The following CR2 variants were observed in gnomAD, a reference collection of about 807,000 sequenced individuals.
CR2 encodes complement C3d receptor 2.
A neutral mutation model predicts 123.0 loss-of-function variants in CR2; 96 were observed. The observed-to-expected ratio is 0.78, with a 90% CI of 0.66 to 0.93. The LOEUF is 0.93. Among genes scored for constraint, CR2 ranks in the 40% least tolerant of loss-of-function variants. The probability of loss-of-function intolerance (pLI) is 0.00; values close to 1 mark genes in which losing one functional copy is unlikely to be tolerated. For missense variants in CR2, 1,258 were observed against 1,361.0 expected, an observed-to-expected ratio of 0.92 and a Z score of 1.19; for synonymous variants, 484 against 469.5, an observed-to-expected ratio of 1.03 and a Z score of -0.40.
chr1:207,466,412 TTCTAAG>T, intron 1 of CR2, 108 bp from the exon 2 acceptor site: 1 of 1,242,280 alleles, frequency 8.0e-7, no homozygotes, highest in Admixed American at 1.8e-5. Context: ...CTATACATAT[TTCTAAG>T]TCTGTTTCTG....
chr1:207,475,495 A>T (rs185156767), intron 14 of CR2, among the ~76,000 whole-genome samples: 1 of 152,212 alleles, frequency 6.6e-6, no homozygotes, highest in African/African-American at 2.4e-5. Context: ...ACTTTAGTGT[A>T]AGAAAAATGC....
chr1:207,484,762 A>G (rs1440833364), intron 18 of CR2, among the ~76,000 whole-genome samples: 1 of 152,266 alleles, frequency 6.6e-6, no homozygotes, highest in Non-Finnish European at 1.5e-5. Context: ...TAGAAGCACA[A>G]TGAAATATGT....
chr1:207,473,511 T>C (rs1658346961), intron 10 of CR2, 34 bp from the exon 11 acceptor site: 2 of 1,592,994 alleles, frequency 1.3e-6, no homozygotes. Context: ...AATTCCTCTG[T>C]GTTGGTATTT....
intron 9 of CR2, 100 bp from the exon 10 acceptor site, chr1:207,472,672 C>T: frequency 8.0e-7 from 1 of 1,257,084 alleles, no homozygotes. Flanking sequence ...CCATACCGTC[C>T]AGGAAACAAC....
intron 13 of CR2, 138 bp from the exon 14 acceptor site, chr1:207,474,686 A>G: frequency 1.1e-6 from 1 of 941,382 alleles, no homozygotes; most frequent in Non-Finnish European, 1.7e-6. Context: ...TAAAAAAAGC[A>G]TAATCCATAT....
rs752255693 is a variant in CR2, at chr1:207,473,597, G to A, written c.2031G>A (p.Thr677=). The part of the protein sequence containing the change: ...LHHGRHTGGN[T]VFFVSGMTVD... ...ATGGTCGTCATACAGGTGGAAATAC[G>A]GTCTTCTTTGTCTCTGGGATGACTG... Residue 677 remains threonine (T), a synonymous_variant, in exon 11 of 20, where the codon ACG becomes ACA. Coordinates refer to ENST00000367057, the MANE Select transcript of CR2 (RefSeq NM_001006658.3). The A allele has an allele frequency of 6.2e-6, 10 of 1,613,880 alleles. No homozygotes were observed. Among genetic ancestry groups the A allele is most frequent in the East Asian group, 2.2e-5 (1 of 44,884 alleles).
chr1:207,463,999 C>T (rs1446907526), intron 1 of CR2, among the ~76,000 whole-genome samples: 11 of 152,158 alleles, frequency 7.2e-5, no homozygotes, highest in Non-Finnish European at 5.9e-5. Context: ...CCCAATCCTA[C>T]CACACGTTCC....
rs1211458924 is a variant in CR2 at position 207,472,884 on chromosome 1, AAG to A, written c.1686_1687del (p.Gly563SerfsTer17). The A allele has an allele frequency of 6.2e-7, 1 of 1,613,968 alleles. No individual in the cohort carries two copies. Among genetic ancestry groups the A allele is most frequent in the Non-Finnish European group, 8.5e-7 (1 of 1,179,976 alleles). On this transcript the variant is annotated frameshift_variant, in exon 10 of 20. Transcript: ENST00000367057. LOFTEE classifies it high-confidence loss of function. ...CTTACACATGTAACCCTGGGCCAGA[AAG>A]AGGAGTGGAATTCAGCCTCATTGGA... is the stretch of plus-strand genomic sequence containing the variant. Reference protein sequence around the residue: ...VTYTCNPGPERGVEFSLIGES... With the variant: ...VTYTCNPGPEXGVEFSLIGES...
intron 9 of CR2, chr1:207,471,898 C>G (rs747764060): frequency 4.5e-5 from 13 of 290,530 alleles, no homozygotes; most frequent in Non-Finnish European, 7.3e-5. Flanking sequence ...AAACTCTAGC[C>G]TTTCTTCTGT....
At chr1:207,461,264 C>A (rs1318599275) in intron 1 of CR2, among the ~76,000 whole-genome samples, 1 of 152,152 alleles carries the variant, frequency 6.6e-6, no homozygotes, top group Non-Finnish European at 1.5e-5. Flanking sequence ...TCCCCAGACT[C>A]TGACCTCACT....
chr1:207,454,359 G>C lies in CR2; in HGVS notation c.-60G>C, dbSNP rs1657772602. The C allele has an allele frequency of 5.4e-6, 8 of 1,468,206 alleles. No homozygotes were observed. Among genetic ancestry groups the C allele is most frequent in the Non-Finnish European group, 7.4e-6 (8 of 1,081,984 alleles). 90.9% of individuals were successfully genotyped at this position (1,468,206 alleles called of 1,614,324 possible). A position where few individuals can be genotyped will look rare whatever the true frequency, so the allele number is the denominator to read the frequency against. On this transcript the variant is annotated 5_prime_UTR_variant, in exon 1 of 20. Coordinates refer to ENST00000367057, the MANE Select transcript of CR2 (RefSeq NM_001006658.3). The surrounding 1 kb of genome is among the most constrained non-coding windows in gnomAD (Gnocchi z 4.3). ...TTGCTGCTCCAGCCTTGCCCTCCCA[G>C]AGCTGCCGGACGCTCGCGGGTCTCG...
Position 207,474,297 on chromosome 1 carries a change from G to C in CR2, c.2297G>C (p.Trp766Ser), listed in dbSNP as rs398122863. 7 of 1,612,884 alleles carry C rather than the reference G, an allele frequency of 4.3e-6. No homozygotes were observed. Among genetic ancestry groups the C allele is most frequent in the South Asian group, 1.1e-5 (1 of 91,042 alleles). ...QMCQDAENGIWFKKIPLCKVI... is the reference protein window; with the variant it reads ...QMCQDAENGISFKKIPLCKVI... The stretch of plus-strand genomic sequence containing the variant: ...TGTCAAGATGCTGAAAATGGAATTT[G>C]GTTCAAAAAGATTCCACTTTGTAAA... The change falls in exon 13 of 20, where the codon TGG becomes TCG. Residue 766 changes from tryptophan to serine, a missense_variant. Transcript: ENST00000367057.
In CR2 at chr1:207,489,267, A is replaced by C. The variant is rs1023671969; in HGVS notation, c.*144A>C. ...TCATAAGCGATCACTTCCTATATGC[A>C]CTTATTCTCAAGAAGAACATCTTTA... On this transcript the variant is annotated 3_prime_UTR_variant, in exon 20 of 20. Transcript: ENST00000367057. 3 of 152,170 alleles carry C rather than the reference A, an allele frequency of 2.0e-5. No individual in the cohort carries two copies. The highest frequency in any genetic ancestry group is 4.4e-5 in the Non-Finnish European group (3 of 68,020). The allele number at this position is 152,170 out of a possible 1,614,324, so 9.4% of individuals were successfully genotyped here. A position where few individuals can be genotyped will look rare whatever the true frequency, so the allele number is the denominator to read the frequency against.
chr1:207,488,449 C>A (rs376923064), intron 19 of CR2, among the ~76,000 whole-genome samples: 25 of 152,210 alleles, frequency 1.6e-4, no homozygotes, highest in African/African-American at 5.5e-4. Context: ...CATGGTGAAA[C>A]CCCGTCTCTA....
intron 14 of CR2, 89 bp downstream of exon 14, chr1:207,475,305 A>G (rs1261599821): frequency 1.8e-5 from 26 of 1,421,342 alleles, no homozygotes; most frequent in Admixed American, 5.9e-5. Flanking sequence ...CTGCCTAAAG[A>G]AAAGCATCTA....
chr1:207,469,167 C>T lies in CR2; in HGVS notation c.752C>T (p.Pro251Leu), dbSNP rs769307763. 7.4e-6 allele frequency: 12 copies of T among 1,613,774 alleles called. No individual in the cohort carries two copies. The highest frequency in any genetic ancestry group is 6.7e-5 in the Admixed American group (4 of 59,994). The change falls in exon 5 of 20, where the codon CCA (proline) becomes CTA (leucine). Residue 251 changes from proline (P) to leucine (L), a missense_variant. Transcript: ENST00000367057. ...FCDEGYRLQG[P>L]PSSRCVIAGQ... ...GTCTCCAGGTATCGACTGCAAGGCC[C>T]ACCTTCTAGTCGGTGTGTAATTGCT...
intron 19 of CR2, among the ~76,000 whole-genome samples, chr1:207,485,966 C>T (rs918865626): frequency 8.5e-5 from 13 of 152,070 alleles, no homozygotes; most frequent in Admixed American, 8.5e-4. Context: ...CTTGGTGGCT[C>T]ACGCCTGTAA....
intron 2 of CR2, 29 bp from the exon 3 acceptor site, chr1:207,468,498 C>CT (rs780000327): frequency 1.3e-5 from 21 of 1,608,022 alleles, no homozygotes; most frequent in Admixed American, 3.3e-5. Flanking sequence ...CATCTGACGG[C>CT]TTTTTTTTCC....
chr1:207,484,490 GAC>G (rs1658695673), intron 18 of CR2, among the ~76,000 whole-genome samples: 1 of 152,228 alleles, frequency 6.6e-6, no homozygotes, highest in Non-Finnish European at 1.5e-5. Context: ...ACACTTGAAA[GAC>G]ACTATGCTAT....
Sources: allele counts gnomAD v4.1 joint callset (sites outside exome capture counted in the v4.1 genomes callset), GRCh38; gene constraint gnomAD v4.1.1; non-coding constraint Gnocchi (gnomAD v3.1); transcripts MANE v1.5; gene names NCBI Gene and HGNC (gene_info 2026-07-23, HGNC 2026-07-21).